The following GAS7 variants were observed in gnomAD, a reference collection of about 807,000 sequenced individuals.
The protein encoded by GAS7 is growth arrest specific 7, also known as growth arrest-specific protein 7.
Under a neutral mutation model 71.1 loss-of-function variants are expected in GAS7, and 28 were observed. The ratio of observed to expected loss-of-function variants is 0.39; its 90% CI spans 0.29 to 0.54. The LOEUF is 0.54. Among genes scored for constraint, GAS7 ranks in the 20% least tolerant of loss-of-function variants. GAS7 has a pLI of 0.62. For synonymous variants in GAS7, 258 were observed against 245.8 expected, an observed-to-expected ratio of 1.05 and a Z score of -0.46; for missense variants, 436 against 627.8, an observed-to-expected ratio of 0.69 and a Z score of 3.27.
intron 4 of GAS7, among the ~76,000 whole-genome samples, chr17:9,960,688 C>T (rs757295286): frequency 6.6e-6 from 1 of 152,222 alleles, no homozygotes. Context: ...GCCTCAGAAA[C>T]CCGTCAGCAA....
At chr17:9,917,941 G>A (rs1026592671) in intron 13 of GAS7, 60 bp downstream of exon 13, 45 of 1,222,198 alleles carry the variant, frequency 3.7e-5, no homozygotes, top group Non-Finnish European at 4.5e-5. Context: ...ACGGCCTAGC[G>A]CCAGGCGGCT....
chr17:9,949,533 G>C (rs1312620951), intron 5 of GAS7, among the ~76,000 whole-genome samples: 1 of 152,142 alleles, frequency 6.6e-6, no homozygotes, highest in Admixed American at 6.5e-5. Flanking sequence ...CTCCCCAGCT[G>C]CCAGGGCACA....
intron 1 of GAS7, among the ~76,000 whole-genome samples, chr17:10,172,111 T>G (rs2074339597): frequency 6.6e-6 from 1 of 152,214 alleles, no homozygotes. Context: ...CCCTCGGGTC[T>G]GCTTGTTTGG....
chr17:9,972,316 T>C (rs7220891), intron 3 of GAS7, among the ~76,000 whole-genome samples: 98,997 of 151,824 alleles, frequency 0.65, 32,844 homozygotes, highest in African/African-American at 0.78. Context: ...GAATCCACTC[T>C]GACTGGCATC....
rs145783729 is a variant in GAS7, at chr17:10,039,469, G to A, written c.184-19572C>T. Among the ~76,000 whole-genome samples the A allele has an allele frequency of 4.3e-3, 660 of 152,172 alleles. 4 individuals carry two copies. The highest frequency in any genetic ancestry group is 0.015 in the African/African-American group (624 of 41,508). ...GGCTGAGGTAGGTGGATCATTTGAGGTCAGGAGTTCGAGACCAGCCTGGCC... is the reference window on the plus strand; with the variant it reads ...GGCTGAGGTAGGTGGATCATTTGAGATCAGGAGTTCGAGACCAGCCTGGCC... On this transcript the variant is annotated intron_variant, in intron 1 of 13. Coordinates refer to ENST00000432992, the MANE Select transcript of GAS7 (RefSeq NM_201433.2).
chr17:10,192,439 T>C (rs556177287), intron 1 of GAS7, among the ~76,000 whole-genome samples: 1 of 152,302 alleles, frequency 6.6e-6, no homozygotes, highest in African/African-American at 2.4e-5. Flanking sequence ...ACATTTTCTT[T>C]CACCAGCGAA....
chr17:9,954,697 C>T (rs1251198231), intron 5 of GAS7, among the ~76,000 whole-genome samples: 1 of 152,038 alleles, frequency 6.6e-6, no homozygotes, highest in African/African-American at 2.4e-5. Flanking sequence ...ATGCTATTAG[C>T]CTCTGGTTGG....
At chr17:10,193,907 C>A (rs2074520841) in intron 1 of GAS7, among the ~76,000 whole-genome samples, 1 of 152,190 alleles carries the variant, frequency 6.6e-6, no homozygotes, top group African/African-American at 2.4e-5. Context: ...TGCTTTGAAA[C>A]ACTAAATCTT....
chr17:10,082,609 T>G lies in GAS7; in HGVS notation c.184-62712A>C, dbSNP rs577324950. 8.7e-4 allele frequency among the ~76,000 whole-genome samples: 132 copies of G among 152,364 alleles called. 1 individual carries two copies. In the Middle Eastern group the frequency reaches 0.01, roughly 12 times the overall value. On this transcript the variant is annotated intron_variant, in intron 1 of 13. Transcript: ENST00000432992. ...GCCATTTCTTATAAAGTTAAATGCA[T>G]GCTTACCATATGATCCAGCAATTTC...
chr17:10,132,245 T>G (rs62066705), intron 1 of GAS7, among the ~76,000 whole-genome samples: 32,528 of 152,166 alleles, frequency 0.21, 4,483 homozygotes, highest in Admixed American at 0.34. Context: ...TGCCCATAAC[T>G]AAATACTTCT....
intron 5 of GAS7, among the ~76,000 whole-genome samples, chr17:9,947,536 A>T (rs1286106158): frequency 2.6e-5 from 4 of 152,080 alleles, no homozygotes; most frequent in Non-Finnish European, 5.9e-5. Context: ...CCTGAGGTTG[A>T]GAGTTCGAGA....
At chr17:9,920,700 C>T (rs2067773571) in intron 11 of GAS7, among the ~76,000 whole-genome samples, 1 of 152,240 alleles carries the variant, frequency 6.6e-6, no homozygotes, top group South Asian at 2.1e-4. Flanking sequence ...AGCTCTCATG[C>T]ACGGCTTTGT....
In GAS7 at chr17:10,148,909, CAA is replaced by C. The variant is rs752140645; in HGVS notation, c.183+49297_183+49298del. On this transcript the variant is annotated intron_variant, in intron 1 of 13. Coordinates refer to ENST00000432992, the MANE Select transcript of GAS7 (RefSeq NM_201433.2). ...TGGGCGACAGAGAAAGACTCCGCCTCAAAAAAAAAAAAAAAAAGAATCCTCTC... is the reference window on the plus strand; with the variant it reads ...TGGGCGACAGAGAAAGACTCCGCCTCAAAAAAAAAAAAAAAGAATCCTCTC... Among the ~76,000 whole-genome samples, 10 of 117,290 alleles carry C rather than the reference CAA, an allele frequency of 8.5e-5. No homozygotes were observed. The South Asian group carries it at 1.3e-3, about 16-fold the overall frequency. 76.9% of individuals were successfully genotyped at this position (117,290 alleles called of 152,430 possible). A position where few individuals can be genotyped will look rare whatever the true frequency, so the allele number is the denominator to read the frequency against.
At chr17:9,932,414 CGATCTCAT>C (rs1345500627) in intron 9 of GAS7, among the ~76,000 whole-genome samples, 2 of 152,048 alleles carry the variant, frequency 1.3e-5, no homozygotes, top group Non-Finnish European at 2.9e-5. Context: ...AGGATGGTCT[CGATCTCAT>C]GATCTCATGA....
chr17:9,968,259 G>A (rs553454545), intron 4 of GAS7, among the ~76,000 whole-genome samples: 17 of 152,310 alleles, frequency 1.1e-4, no homozygotes, highest in East Asian at 1.9e-4. Context: ...ATGAGCAGAG[G>A]AGAGAAGGAG....
At chr17:10,188,984 C>T (rs1481085699) in intron 1 of GAS7, among the ~76,000 whole-genome samples, 1 of 152,130 alleles carries the variant, frequency 6.6e-6, no homozygotes, top group East Asian at 1.9e-4. Context: ...AAGTTCCTTG[C>T]CCATTCTTAT....
chr17:10,087,423 G>T (rs1597784148), intron 1 of GAS7, among the ~76,000 whole-genome samples: 1 of 152,234 alleles, frequency 6.6e-6, no homozygotes, highest in African/African-American at 2.4e-5. Flanking sequence ...GAGCTTGTAA[G>T]CTCTTGGGAC....
intron 1 of GAS7, among the ~76,000 whole-genome samples, chr17:10,170,341 C>T (rs2074327145): frequency 1.3e-5 from 2 of 152,016 alleles, no homozygotes; most frequent in South Asian, 4.1e-4. Context: ...GGTCACCTCT[C>T]TGTCCCCATC....
chr17:10,188,629 T>C (rs1247937191), intron 1 of GAS7, among the ~76,000 whole-genome samples: 2 of 151,744 alleles, frequency 1.3e-5, no homozygotes, highest in Non-Finnish European at 2.9e-5. Flanking sequence ...TATATGGTTT[T>C]GTGTGTGTGT....
Sources: gnomAD v4.1 joint callset for allele counts (sites outside exome capture counted in the v4.1 genomes callset) on GRCh38, gnomAD v4.1.1 for gene constraint, MANE v1.5 for transcripts, NCBI Gene and HGNC (gene_info 2026-07-23, HGNC 2026-07-21) for gene names.